The following HIGD1C variants were observed in gnomAD, a reference collection of about 807,000 sequenced individuals.
HIGD1C encodes HIG1 hypoxia inducible domain family member 1C, also known as HIG1 domain family member 1C.
HIGD1C carries 11 observed loss-of-function variants against 13.1 expected under a neutral mutation model. The observed-to-expected ratio is 0.84, with a 90% CI of 0.53 to 1.39. The LOEUF is 1.39. HIGD1C is among the 40% of genes most tolerant of loss of function. The probability of loss-of-function intolerance (pLI) is 0.00; values close to 1 mark genes in which losing one functional copy is unlikely to be tolerated. For synonymous variants in HIGD1C, 36 were observed against 37.7 expected (o/e 0.95, Z 0.17); for missense variants, 110 against 112.0 (o/e 0.98, Z 0.08).
At chr12:50,948,876 GAGGGGGAGGGGAGGGGGAGGGGGA>G in the HIGD1C span, among the ~76,000 whole-genome samples, 1 of 15,690 alleles carries the variant, frequency 6.4e-5, no homozygotes, top group Non-Finnish European at 1.2e-4. Flanking sequence ...GGGGGGAGGG[GAGGGGGAGGGGAGGGGGAGGGGGA>G]GGGGGGAGGG....
the HIGD1C span, among the ~76,000 whole-genome samples, chr12:50,934,073 C>G: frequency 6.6e-6 from 1 of 152,220 alleles, no homozygotes; most frequent in Non-Finnish European, 1.5e-5. Flanking sequence ...TTGCTAAATG[C>G]TCCTTGGTTG....
intron 1 of HIGD1C, among the ~76,000 whole-genome samples, chr12:50,959,406 C>T (rs538549703): frequency 7.2e-4 from 109 of 152,240 alleles, no homozygotes; most frequent in Non-Finnish European, 2.1e-4. Flanking sequence ...AGGTGTGAGC[C>T]ACTGTGCCCG....
chr12:50,947,102 T>A, the HIGD1C span, among the ~76,000 whole-genome samples: 1 of 152,152 alleles, frequency 6.6e-6, no homozygotes, highest in Non-Finnish European at 1.5e-5. Context: ...TAGTCCTTAT[T>A]ATTCCTGCAG....
exon 1 of HIGD1C, chr12:50,953,959 C>G (rs200801540): frequency 2.5e-6 from 3 of 1,178,220 alleles, no homozygotes; most frequent in Non-Finnish European, 3.8e-6. Flanking sequence ...TAATGATTCA[C>G]GGCAACCACA....
the HIGD1C span, among the ~76,000 whole-genome samples, chr12:50,938,974 A>T: frequency 1.3e-5 from 2 of 152,104 alleles, no homozygotes; most frequent in African/African-American, 4.8e-5. Context: ...TTAGCAAGCA[A>T]TTTTCCTGGG....
At chr12:50,945,739 T>A in the HIGD1C span, among the ~76,000 whole-genome samples, 1 of 152,210 alleles carries the variant, frequency 6.6e-6, no homozygotes, top group South Asian at 2.1e-4. Context: ...ACTTTAAAGT[T>A]CATATGGAAC....
downstream of HIGD1C, among the ~76,000 whole-genome samples, chr12:50,971,291 T>C (rs970431654): frequency 6.6e-6 from 1 of 152,212 alleles, no homozygotes; most frequent in Non-Finnish European, 1.5e-5. Flanking sequence ...TGGGTAATAA[T>C]GACATCAGAG....
At chr12:50,961,592 T>C (rs541801367) in intron 2 of HIGD1C, among the ~76,000 whole-genome samples, 1 of 152,286 alleles carries the variant, frequency 6.6e-6, no homozygotes, top group Non-Finnish European at 1.5e-5. Flanking sequence ...TTTTTATTAG[T>C]CCATAAATTA....
chr12:50,960,605 A>T (rs1939286945), intron 1 of HIGD1C, among the ~76,000 whole-genome samples: 1 of 152,114 alleles, frequency 6.6e-6, no homozygotes, highest in South Asian at 2.1e-4. Context: ...CTTATCTTTC[A>T]GGTTCTTATC....
chr12:50,951,910 G>A (rs1222816428), upstream of HIGD1C, among the ~76,000 whole-genome samples: 3 of 117,696 alleles, frequency 2.5e-5, no homozygotes, highest in African/African-American at 3.4e-5. Flanking sequence ...TGACAAGAGC[G>A]AAACTCCATC....
chr12:50,968,429 C>A (rs1363251630), intron 2 of HIGD1C, among the ~76,000 whole-genome samples: 1 of 151,904 alleles, frequency 6.6e-6, no homozygotes, highest in African/African-American at 2.4e-5. Context: ...GCTCTGTCAT[C>A]CGGCTGGCGT....
intron 1 of HIGD1C, among the ~76,000 whole-genome samples, chr12:50,957,937 G>GGGGTGTGT (rs1464920302): frequency 1.5e-5 from 2 of 132,408 alleles, no homozygotes; most frequent in African/African-American, 2.7e-5. Flanking sequence ...ATGAATTGGA[G>GGGGTGTGT]GTGTGTGTGT....
the HIGD1C span, among the ~76,000 whole-genome samples, chr12:50,940,294 A>G: frequency 1.3e-5 from 2 of 152,208 alleles, no homozygotes; most frequent in Non-Finnish European, 2.9e-5. Context: ...TAAAAGAAAC[A>G]CCATCTAATT....
the HIGD1C span, among the ~76,000 whole-genome samples, chr12:50,936,099 C>G: frequency 1.3e-5 from 2 of 148,508 alleles, no homozygotes; most frequent in Admixed American, 1.4e-4. Flanking sequence ...GCAGAGGTTG[C>G]AGTGAGCCAA....
In HIGD1C at chr12:50,961,008, CA is replaced by C. The variant is rs1202056483; in HGVS notation, c.137del (p.Lys46SerfsTer2). 6.2e-7 allele frequency: 1 copy of C among 1,608,590 alleles called. No individual in the cohort carries two copies. Among genetic ancestry groups the C allele is most frequent in the African/African-American group, 1.3e-5 (1 of 74,876 alleles). On this transcript the variant is annotated frameshift_variant, in exon 2 of 3. Coordinates refer to ENST00000398455, the Ensembl canonical transcript of HIGD1C. LOFTEE classifies it high-confidence loss of function. ...TGACTGTGGTGTCCTGTGGTCTTTA[CA>C]AGCTAAAGTACAGAAGAGATCAGAA...
upstream of HIGD1C, among the ~76,000 whole-genome samples, chr12:50,950,366 T>TTAAAA (rs913634231): frequency 3.9e-5 from 6 of 152,078 alleles, no homozygotes; most frequent in Middle Eastern, 3.4e-3. Context: ...ACCAGTTATT[T>TTAAAA]TAAAATAAAA....
At chr12:50,968,086 AAAT>A (rs200950776) in intron 2 of HIGD1C, among the ~76,000 whole-genome samples, 2,397 of 148,512 alleles carry the variant, frequency 0.016, 59 homozygotes, top group African/African-American at 0.056. Context: ...GCATTGTCTC[AAAT>A]AATAAGAAGA....
At chr12:50,969,033 G>A (rs1426537955) in intron 2 of HIGD1C, among the ~76,000 whole-genome samples, 1 of 151,786 alleles carries the variant, frequency 6.6e-6, no homozygotes, top group Non-Finnish European at 1.5e-5. Context: ...GGTGGCTCAC[G>A]CCTATAATCC....
At chr12:50,951,722 C>T (rs972358494), upstream of HIGD1C, among the ~76,000 whole-genome samples, 1 of 151,832 alleles carries the variant, frequency 6.6e-6, no homozygotes, top group African/African-American at 2.4e-5. Flanking sequence ...GGGTTTGAGA[C>T]CAGCCCGACC....
Sources: gnomAD v4.1 joint callset for allele counts (sites outside exome capture counted in the v4.1 genomes callset) on GRCh38, gnomAD v4.1.1 for gene constraint, MANE v1.5 for transcripts, NCBI Gene and HGNC (gene_info 2026-07-23, HGNC 2026-07-21) for gene names.